Variants in AFDN observed in about 807,000 individuals in gnomAD.
AFDN encodes the protein afadin, adherens junction formation factor.
A neutral mutation model predicts 216.6 loss-of-function variants in AFDN; 68 were observed. The ratio of observed to expected loss-of-function variants is 0.31; its 90% CI spans 0.26 to 0.38. The LOEUF (loss-of-function observed/expected upper bound fraction) is 0.38, where lower values mean the gene tolerates loss of function less well. Among genes scored for constraint, AFDN ranks in the 10% least tolerant of loss-of-function variants. The probability of loss-of-function intolerance (pLI) is 1.00; values close to 1 mark genes in which losing one functional copy is unlikely to be tolerated. For synonymous variants in AFDN, 868 were observed against 853.7 expected (o/e 1.02, Z -0.29); for missense variants, 2,136 against 2,342.0 (o/e 0.91, Z 1.82).
intron 23 of AFDN, among the ~76,000 whole-genome samples, chr6:167,928,613 CG>C (rs1204405653): frequency 6.6e-6 from 1 of 152,324 alleles, no homozygotes; most frequent in Admixed American, 6.5e-5. Context: ...CGCTCAGGCA[CG>C]GGTGCAGAGC....
intron 1 of AFDN, 141 bp downstream of exon 1, chr6:167,827,378 C>A (rs1243702541): frequency 1.8e-4 from 27 of 149,670 alleles, no homozygotes; most frequent in Non-Finnish European, 8.5e-5. Flanking sequence ...CCCTCCCCCT[C>A]CCCCAGGCCC....
chr6:167,895,789 A>G (rs1788165623), intron 9 of AFDN, among the ~76,000 whole-genome samples: 1 of 152,138 alleles, frequency 6.6e-6, no homozygotes, highest in African/African-American at 2.4e-5. Context: ...TGCAGTGACT[A>G]GAGATTTTAA....
Position 167,962,530 on chromosome 6 carries a change from A to G in AFDN, c.4931A>G (p.Gln1644Arg). 1.9e-6 allele frequency: 3 copies of G among 1,613,874 alleles called. No individual in the cohort carries two copies. Among genetic ancestry groups the G allele is most frequent in the Non-Finnish European group, 2.5e-6 (3 of 1,179,828 alleles). ...AGGCAAGAGGAAGAGCGCCGGCGGCAGGAGGAGGAGCGAACAAAACGAGAC... is the reference window on the plus strand; with the variant it reads ...AGGCAAGAGGAAGAGCGCCGGCGGCGGGAGGAGGAGCGAACAAAACGAGAC... ...RARQEEERRRQEEERTKRDAE... is the reference protein window; with the variant it reads ...RARQEEERRRREEERTKRDAE... Residue 1644 changes from glutamine to arginine, a missense_variant, in exon 31 of 34, where the codon CAG becomes CGG. Transcript: ENST00000683244. This position sits in a 1 kb window ranked among gnomAD's most constrained non-coding sequence, Gnocchi z 5.2.
chr6:167,956,114 CA>C (rs59521151), intron 30 of AFDN, among the ~76,000 whole-genome samples: 6,566 of 41,050 alleles, frequency 0.16, 80 homozygotes, highest in South Asian at 0.26. Flanking sequence ...GACTTTGGCT[CA>C]AAAAAAAAAA....
intron 1 of AFDN, among the ~76,000 whole-genome samples, chr6:167,839,987 C>G (rs1018664707): frequency 6.6e-6 from 1 of 152,100 alleles, no homozygotes; most frequent in Non-Finnish European, 1.5e-5. Context: ...CCGCGCTGAG[C>G]AAGAGGAGCA....
At chr6:167,966,642 C>G (rs1030586381) in intron 32 of AFDN, among the ~76,000 whole-genome samples, 1 of 152,152 alleles carries the variant, frequency 6.6e-6, no homozygotes, top group East Asian at 1.9e-4. Flanking sequence ...GCTTTTCACA[C>G]GCTGTAGTGT....
intron 5 of AFDN, among the ~76,000 whole-genome samples, chr6:167,876,313 G>A (rs1042118195): frequency 6.6e-6 from 1 of 152,144 alleles, no homozygotes; most frequent in African/African-American, 2.4e-5. Context: ...CAGAGAGTAC[G>A]GGACTTCTTG....
chr6:167,842,957 A>G (rs999421887), intron 1 of AFDN, among the ~76,000 whole-genome samples: 5 of 152,160 alleles, frequency 3.3e-5, no homozygotes, highest in Non-Finnish European at 5.9e-5. Context: ...AAAAACTAAA[A>G]CTATGTTTGA....
At chr6:167,953,058 C>T (rs1315678630) in intron 30 of AFDN, among the ~76,000 whole-genome samples, 2 of 152,070 alleles carry the variant, frequency 1.3e-5, no homozygotes, top group Non-Finnish European at 2.9e-5. Flanking sequence ...TTAATTTGGG[C>T]ATTTATTAAT....
chr6:167,855,321 C>A (rs778995789), intron 1 of AFDN, among the ~76,000 whole-genome samples: 1 of 152,042 alleles, frequency 6.6e-6, no homozygotes, highest in Non-Finnish European at 1.5e-5. Context: ...CAAGTTGTCT[C>A]CTGCCTCCAG....
At chr6:167,833,441 A>C (rs1224773483) in intron 1 of AFDN, among the ~76,000 whole-genome samples, 1 of 152,184 alleles carries the variant, frequency 6.6e-6, no homozygotes, top group East Asian at 1.9e-4. Flanking sequence ...GGGCTGTTCT[A>C]TTCAGAATCC....
chr6:167,963,547 A>G, intron 31 of AFDN: 1 of 1,057,610 alleles, frequency 9.5e-7, no homozygotes. Context: ...GATACAGAAC[A>G]ATCTAAGAGT....
At chr6:167,922,759 C>A in intron 21 of AFDN, 97 bp from the exon 22 acceptor site, 1 of 740,586 alleles carries the variant, frequency 1.4e-6, no homozygotes, top group Non-Finnish European at 2.4e-6. Context: ...AGAATCAATA[C>A]CGTGTGTTGG....
chr6:167,884,305 C>T (rs977578199), intron 6 of AFDN, among the ~76,000 whole-genome samples: 2 of 152,130 alleles, frequency 1.3e-5, no homozygotes, highest in African/African-American at 4.8e-5. Flanking sequence ...GATATTTTTC[C>T]TTATCCCGTG....
rs755810481 is a variant in AFDN at position 167,880,427 on chromosome 6, T to C, written c.807T>C (p.Ser269=). Residue 269 remains serine, a synonymous_variant, in exon 6 of 34, where the codon TCT becomes TCC. Transcript: ENST00000683244. Reference sequence around the variant, plus strand: ...TTCCCTACAAGACAATCCTGCTGTCTACTACAGATCCTGCAGACTTTGCTG... The same window carrying C: ...TTCCCTACAAGACAATCCTGCTGTCCACTACAGATCCTGCAGACTTTGCTG... ...PNIPYKTILL[S]TTDPADFAVA... 6.2e-7 allele frequency: 1 copy of C among 1,613,820 alleles called. No individual in the cohort carries two copies. Among genetic ancestry groups the C allele is most frequent in the Non-Finnish European group, 8.5e-7 (1 of 1,179,712 alleles).
chr6:167,914,898 T>A (rs73258733), intron 18 of AFDN, among the ~76,000 whole-genome samples, 160 bp downstream of exon 18: 8,202 of 152,268 alleles, frequency 0.054, 746 homozygotes, highest in African/African-American at 0.19. Context: ...TTGTTTTGTT[T>A]ACAGATAGTT....
chr6:167,948,112 C>A (rs1231892755), intron 28 of AFDN, 168 bp downstream of exon 28: 2 of 755,850 alleles, frequency 2.6e-6, no homozygotes, highest in Non-Finnish European at 4.2e-6. Context: ...TCAGGTAAAT[C>A]AGTTTTAAAT....
At chr6:167,954,540 T>G in intron 30 of AFDN, 1 of 1,556,414 alleles carries the variant, frequency 6.4e-7, no homozygotes. Context: ...CTGTCTTGAT[T>G]TTCTTTTCTT....
intron 23 of AFDN, among the ~76,000 whole-genome samples, chr6:167,938,307 A>T (rs963183022): frequency 3.9e-5 from 6 of 152,168 alleles, no homozygotes; most frequent in African/African-American, 1.4e-4. Context: ...GAATGACGAG[A>T]GAGGTTCATG....
Sources: gnomAD v4.1 joint callset for allele counts (sites outside exome capture counted in the v4.1 genomes callset) on GRCh38, gnomAD v4.1.1 for gene constraint, Gnocchi (gnomAD v3.1) non-coding constraint, MANE v1.5 for transcripts, NCBI Gene and HGNC (gene_info 2026-07-23, HGNC 2026-07-21) for gene names.